DNAH9: variants seen among roughly 807,000 people sequenced by gnomAD.
The protein encoded by DNAH9 is DNAH9 variant protein.
In DNAH9, 345 loss-of-function variants were observed where a neutral mutation model predicts 471.6. The ratio of observed to expected loss-of-function variants is 0.73; its 90% confidence interval spans 0.67 to 0.80. The LOEUF is 0.80. Ranked by LOEUF, DNAH9 falls within the 30% of genes least tolerant of loss-of-function variation. The probability of loss-of-function intolerance (pLI) is 0.00; values close to 1 mark genes in which losing one functional copy is unlikely to be tolerated. For synonymous variants in DNAH9, 2,093 were observed against 2,123.6 expected, an observed-to-expected ratio of 0.99 and a Z score of 0.40; for missense variants, 5,407 against 5,609.2, an observed-to-expected ratio of 0.96 and a Z score of 1.15.
intron 59 of DNAH9, among the ~76,000 whole-genome samples, chr17:11,896,383 A>G (rs570607630): frequency 6.6e-6 from 1 of 152,388 alleles, no homozygotes; most frequent in Non-Finnish European, 1.5e-5. Flanking sequence ...GTATAAGTGA[A>G]TGGACACGGC....
chr17:11,781,070 G>A lies in DNAH9; in HGVS notation c.7614G>A (p.Lys2538=), dbSNP rs778132582. The A allele has an allele frequency of 6.2e-7, 1 of 1,614,206 alleles. No homozygotes were observed. The highest frequency in any genetic ancestry group is 1.1e-5 in the South Asian group (1 of 91,080). Residue 2538 remains lysine, a synonymous_variant, in exon 39 of 69, where the codon AAG becomes AAA. Coordinates refer to ENST00000262442, the MANE Select transcript of DNAH9 (RefSeq NM_001372.4). ...GAAACTATGGCCCTCCAGGGAACAAGAAACTCATCTATTTCATTGATGACA... is the reference window on the plus strand; with the variant it reads ...GAAACTATGGCCCTCCAGGGAACAAAAAACTCATCTATTTCATTGATGACA... ...AGRNYGPPGN[K]KLIYFIDDMN... is the part of the protein sequence containing the mutation.
intron 26 of DNAH9, among the ~76,000 whole-genome samples, chr17:11,715,839 T>G (rs569069662): frequency 6.6e-6 from 1 of 152,228 alleles, no homozygotes; most frequent in Non-Finnish European, 1.5e-5. Context: ...TCGAACTCAT[T>G]TTGTCACTCC....
chr17:11,847,298 A>T (rs1028602158), intron 49 of DNAH9, among the ~76,000 whole-genome samples: 1 of 152,164 alleles, frequency 6.6e-6, no homozygotes, highest in African/African-American at 2.4e-5. Flanking sequence ...CTATGTCCAG[A>T]ATGGTATTGC....
intron 42 of DNAH9, 56 bp downstream of exon 42, chr17:11,793,720 C>T: frequency 7.9e-7 from 1 of 1,272,926 alleles, no homozygotes; most frequent in Non-Finnish European, 1.0e-6. Context: ...GATAATTATA[C>T]AGATGATCAC....
At chr17:11,602,509 C>G (rs1480176095) in intron 1 of DNAH9, among the ~76,000 whole-genome samples, 3 of 152,144 alleles carry the variant, frequency 2.0e-5, no homozygotes, top group African/African-American at 7.2e-5. Flanking sequence ...GCTCTAGATC[C>G]ACATCAAAAA....
At chr17:11,945,502 C>T (rs1232176448) in intron 67 of DNAH9, among the ~76,000 whole-genome samples, 1 of 149,558 alleles carries the variant, frequency 6.7e-6, no homozygotes, top group Non-Finnish European at 1.5e-5. Context: ...TGTGACACTG[C>T]ACTCCAGCCT....
At chr17:11,947,862 A>G (rs1406785775) in intron 67 of DNAH9, among the ~76,000 whole-genome samples, 7 of 143,410 alleles carry the variant, frequency 4.9e-5, no homozygotes, top group Non-Finnish European at 1.0e-4. Context: ...GCTCACTGCA[A>G]CCTCTGTCTC....
intron 36 of DNAH9, among the ~76,000 whole-genome samples, chr17:11,766,747 GAGGTCCGTAGTTC>G (rs1440370048): frequency 1.3e-5 from 2 of 152,170 alleles, no homozygotes; most frequent in African/African-American, 4.8e-5. Flanking sequence ...GGTGGATCAT[GAGGTCCGTAGTTC>G]AAGACCAGCC....
chr17:11,795,007 G>A (rs959533623), intron 42 of DNAH9, among the ~76,000 whole-genome samples: 2 of 151,900 alleles, frequency 1.3e-5, no homozygotes, highest in African/African-American at 4.8e-5. Context: ...ACACCAACAT[G>A]GCACATGTAT....
At chr17:11,610,596 T>G (rs780517658) in intron 3 of DNAH9, 42 bp downstream of exon 3, 2 of 1,596,372 alleles carry the variant, frequency 1.3e-6, no homozygotes, top group South Asian at 2.2e-5. Flanking sequence ...GGTGAAGATG[T>G]CTTACAGAGA....
At position 11,902,755 on chromosome 17, in the gene DNAH9, C is replaced by G; in HGVS notation, c.11443C>G (p.Arg3815Gly). The change falls in exon 60 of 69, where the codon CGG becomes GGG. Residue 3815 changes from arginine (R) to glycine (G), a missense_variant. By Grantham distance (125) the Arg-to-Gly change is moderately radical (BLOSUM62 -2). Around this residue, in one of 3 missense-constraint regions of DNAH9, gnomAD observed 4,636 missense variants for 4,900.3 expected, o/e 0.95. Transcript: ENST00000262442. ...SSMEEFSNLD[R>G]DIEGSAKSWK... ...AATGGAAGAATTCTCTAATCTGGAT[C>G]GGGACATAGAGGGATCTGCTAAGAG... 1.2e-6 allele frequency: 2 copies of G among 1,613,268 alleles called. No homozygotes were observed. The highest frequency in any genetic ancestry group is 1.7e-6 in the Non-Finnish European group (2 of 1,179,700).
intron 19 of DNAH9, among the ~76,000 whole-genome samples, chr17:11,684,681 C>T (rs745713190): frequency 1.9e-4 from 29 of 152,106 alleles, no homozygotes; most frequent in Non-Finnish European, 3.8e-4. Flanking sequence ...TCAATGAAGA[C>T]CATTCGTGTT....
chr17:11,933,739 T>G, intron 64 of DNAH9, 141 bp from the exon 65 acceptor site: 1 of 746,226 alleles, frequency 1.3e-6, no homozygotes, highest in East Asian at 2.7e-5. Flanking sequence ...ACTGAGGGTA[T>G]GGAGAAAAAT....
chr17:11,899,048 G>C (rs1275153690), intron 59 of DNAH9, among the ~76,000 whole-genome samples: 1 of 152,154 alleles, frequency 6.6e-6, no homozygotes, highest in Non-Finnish European at 1.5e-5. Flanking sequence ...CACAGCACAG[G>C]ATATGAGCAG....
intron 41 of DNAH9, among the ~76,000 whole-genome samples, chr17:11,786,513 C>CAA (rs759271438): frequency 4.6e-5 from 7 of 152,172 alleles, no homozygotes; most frequent in Non-Finnish European, 8.8e-5. Context: ...GAGCACAGTG[C>CAA]TAAGCCCTTT....
At chr17:11,930,672 A>G (rs931952390) in intron 63 of DNAH9, among the ~76,000 whole-genome samples, 1 of 150,738 alleles carries the variant, frequency 6.6e-6, no homozygotes, top group Non-Finnish European at 1.5e-5. Flanking sequence ...GGCTGAGGCA[A>G]GAGAATGGCG....
intron 10 of DNAH9, among the ~76,000 whole-genome samples, chr17:11,644,338 C>T (rs920584255): frequency 4.6e-5 from 7 of 152,018 alleles, no homozygotes; most frequent in Admixed American, 2.0e-4. Flanking sequence ...TTTTGAAGGA[C>T]CTCACATACC....
At chr17:11,739,688 C>T (rs968425653) in intron 29 of DNAH9, among the ~76,000 whole-genome samples, 3 of 152,076 alleles carry the variant, frequency 2.0e-5, no homozygotes, top group Non-Finnish European at 2.9e-5. Context: ...CCCTTGCTAC[C>T]GGTGGACATT....
chr17:11,932,781 C>G lies in DNAH9; in HGVS notation c.12297+576C>G, dbSNP rs140343034. On this transcript the variant is annotated intron_variant, in intron 64 of 68. Coordinates refer to ENST00000262442, the MANE Select transcript of DNAH9 (RefSeq NM_001372.4). The surrounding 1 kb of genome is among the most constrained non-coding windows in gnomAD (Gnocchi z 4.3). ...GAGTCAGTCCCATGAGAGTTTGTCCCGGGCCCCACCAGACCATACCTATGT... is the reference window on the plus strand; with the variant it reads ...GAGTCAGTCCCATGAGAGTTTGTCCGGGGCCCCACCAGACCATACCTATGT... Among the ~76,000 whole-genome samples the G allele has an allele frequency of 6.6e-6, 1 of 152,084 alleles. No individual in the cohort carries two copies. The highest frequency in any genetic ancestry group is 2.4e-5 in the African/African-American group (1 of 41,408).
Sources: gnomAD v4.1 joint callset for allele counts (sites outside exome capture counted in the v4.1 genomes callset) on GRCh38, gnomAD v4.1.1 for gene constraint, gnomAD v4.1.1 regional missense constraint, Gnocchi (gnomAD v3.1) non-coding constraint, MANE v1.5 for transcripts, NCBI Gene and HGNC (gene_info 2026-07-23, HGNC 2026-07-21) for gene names.